Variants in ECE1 observed in about 807,000 individuals in gnomAD.
ECE1 encodes the protein endothelin-converting enzyme 1.
Under a neutral mutation model 98.6 loss-of-function variants are expected in ECE1, and 35 were observed. The observed-to-expected ratio is 0.35, with a 90% confidence interval of 0.27 to 0.47. The LOEUF is 0.47. Ranked by LOEUF, ECE1 falls within the 20% of genes least tolerant of loss-of-function variation. The pLI, the probability that ECE1 is intolerant of heterozygous loss-of-function variation, is 1.00. For missense variants in ECE1, 814 were observed against 1,025.3 expected (o/e 0.79, Z 2.81); for synonymous variants, 394 against 407.1 (o/e 0.97, Z 0.39).
chr1:21,244,844 T>C (rs996785139), intron 10 of ECE1, 145 bp downstream of exon 10: 8 of 766,710 alleles, frequency 1.0e-5, no homozygotes, highest in African/African-American at 5.2e-5. Flanking sequence ...AGGACTCCTC[T>C]TTACCCTTTA....
At chr1:21,312,829 T>TA (rs1039884121) in intron 1 of ECE1, among the ~76,000 whole-genome samples, 3 of 151,938 alleles carry the variant, frequency 2.0e-5, no homozygotes, top group Non-Finnish European at 2.9e-5. Context: ...GGTTTATCAT[T>TA]AAAAAAACAA....
intron 1 of ECE1, chr1:21,299,446 G>C (rs1382564967): frequency 1.3e-5 from 2 of 153,290 alleles, no homozygotes; most frequent in East Asian, 1.9e-4. Context: ...ACAGAGCCAG[G>C]GTTCCCTCTT....
At chr1:21,295,825 C>G (rs751968335) in intron 1 of ECE1, among the ~76,000 whole-genome samples, 1 of 152,220 alleles carries the variant, frequency 6.6e-6, no homozygotes, top group African/African-American at 2.4e-5. Context: ...GCAATTAAGA[C>G]AGACCTGAGC....
intron 1 of ECE1, among the ~76,000 whole-genome samples, chr1:21,324,568 A>AG (rs1280711188): frequency 6.6e-6 from 1 of 152,214 alleles, no homozygotes; most frequent in Non-Finnish European, 1.5e-5. Context: ...GAGGACCAGG[A>AG]GGGGCTCTCC....
chr1:21,228,151 A>C, intron 14 of ECE1, 110 bp from the exon 15 acceptor site: 1 of 754,426 alleles, frequency 1.3e-6, no homozygotes, highest in Non-Finnish European at 2.1e-6. Context: ...AAAAATGCAG[A>C]CTCTCCTTGA....
intron 10 of ECE1, among the ~76,000 whole-genome samples, chr1:21,240,750 C>G (rs1282529527): frequency 6.6e-6 from 1 of 152,166 alleles, no homozygotes; most frequent in Admixed American, 6.6e-5. Context: ...TGTGTCTGGC[C>G]GAGGCCGACC....
Position 21,235,855 on chromosome 1 carries a change from T to A in ECE1, c.1561A>T (p.Asn521Tyr), listed in dbSNP as rs1558374347. The A allele has an allele frequency of 1.9e-6, 3 of 1,614,072 alleles. No individual in the cohort carries two copies. Among genetic ancestry groups the A allele is most frequent in the Non-Finnish European group, 2.5e-6 (3 of 1,180,038 alleles). ...GCAGGGCAGCAGCTACTCACGTCAT[T>A]AAACACTTTGTCCAGCTCCTTGGGA... is the stretch of plus-strand genomic sequence containing the variant. ...MDPKELDKVF[N>Y]DYTAVPDLYF... The change falls in exon 13 of 19, where the codon AAT (asparagine) becomes TAT (tyrosine). Residue 521 changes from asparagine to tyrosine, a missense_variant. Asn to Tyr is a moderately radical substitution (Grantham distance 143). Transcript: ENST00000374893. This position sits in a 1 kb window ranked among gnomAD's most constrained non-coding sequence, Gnocchi z 4.2.
chr1:21,232,852 AT>A (rs2098183535), intron 14 of ECE1, among the ~76,000 whole-genome samples: 1 of 151,794 alleles, frequency 6.6e-6, no homozygotes, highest in Non-Finnish European at 1.5e-5. Flanking sequence ...TAATTTTTGT[AT>A]TTTTAGTAGA....
At chr1:21,248,389 G>T (rs2098207135) in intron 8 of ECE1, among the ~76,000 whole-genome samples, 2 of 152,138 alleles carry the variant, frequency 1.3e-5, no homozygotes, top group Non-Finnish European at 1.5e-5. Flanking sequence ...GGCCAGGCTG[G>T]CCTTGAACTC....
At position 21,290,047 on chromosome 1, in the gene ECE1, G is replaced by T. The variant is rs747021532; in HGVS notation, c.138+23C>A. On this transcript the variant is annotated intron_variant, in intron 2 of 18. Transcript: ENST00000374893. This position sits in a 1 kb window ranked among gnomAD's most constrained non-coding sequence, Gnocchi z 7.3. ...CCCGGGCCCGGGGCGCCTGGACCTCGGGAGGGAGCGGAGGGCGCCTACCTG... is the reference window on the plus strand; with the variant it reads ...CCCGGGCCCGGGGCGCCTGGACCTCTGGAGGGAGCGGAGGGCGCCTACCTG... 1.4e-6 allele frequency: 2 copies of T among 1,388,354 alleles called. No homozygotes were observed. Among genetic ancestry groups the T allele is most frequent in the Non-Finnish European group, 1.9e-6 (2 of 1,055,204 alleles). The allele number at this position is 1,388,354 out of a possible 1,614,324, so 86.0% of individuals were successfully genotyped here. A position where few individuals can be genotyped will look rare whatever the true frequency, so the allele number is the denominator to read the frequency against.
At chr1:21,250,705 C>A (rs1051754507) in intron 8 of ECE1, among the ~76,000 whole-genome samples, 3 of 152,164 alleles carry the variant, frequency 2.0e-5, no homozygotes, top group Admixed American at 2.0e-4. Context: ...TAGCCATAAA[C>A]CCCCGCTTAA....
At chr1:21,221,616 T>G in intron 18 of ECE1, 131 bp downstream of exon 18, 1 of 932,248 alleles carries the variant, frequency 1.1e-6, no homozygotes, top group Non-Finnish European at 1.8e-6. Context: ...ACAGGGCACA[T>G]GTGCTGTGCA....
chr1:21,250,558 C>T (rs1360154718), intron 8 of ECE1, among the ~76,000 whole-genome samples: 2 of 152,138 alleles, frequency 1.3e-5, no homozygotes, highest in Non-Finnish European at 2.9e-5. Flanking sequence ...GGACAAAATG[C>T]AAGACAAAGG....
At chr1:21,242,839 C>T (rs2098198218) in intron 10 of ECE1, among the ~76,000 whole-genome samples, 1 of 152,302 alleles carries the variant, frequency 6.6e-6, no homozygotes, top group East Asian at 1.9e-4. Context: ...TGCAGTGGTG[C>T]AGTCAGTGAT....
chr1:21,249,281 T>C (rs928018980), intron 8 of ECE1, among the ~76,000 whole-genome samples: 2 of 151,048 alleles, frequency 1.3e-5, no homozygotes, highest in African/African-American at 4.9e-5. Flanking sequence ...AGGCAGAGGT[T>C]ACAGTGAGCC....
intron 14 of ECE1, among the ~76,000 whole-genome samples, chr1:21,229,177 A>G (rs903966970): frequency 7.2e-5 from 11 of 151,804 alleles, no homozygotes; most frequent in African/African-American, 2.7e-4. Context: ...CCCTGAATAC[A>G]AGACTTTTTT....
At chr1:21,253,779 AAG>A (rs1297246188) in intron 8 of ECE1, among the ~76,000 whole-genome samples, 1 of 148,890 alleles carries the variant, frequency 6.7e-6, no homozygotes, top group African/African-American at 2.5e-5. Flanking sequence ...AAAAAAAAAA[AAG>A]AACCACAGGC....
At chr1:21,280,530 G>C (rs995760443) in intron 2 of ECE1, among the ~76,000 whole-genome samples, 1 of 152,214 alleles carries the variant, frequency 6.6e-6, no homozygotes, top group Non-Finnish European at 1.5e-5. Flanking sequence ...GCCAGGTTAA[G>C]AGCCTGGACT....
rs190726306 is a variant in ECE1 at position 21,281,184 on chromosome 1, C to T, written c.139-1852G>A. Among the ~76,000 whole-genome samples, 639 of 148,948 alleles carry T rather than the reference C, an allele frequency of 4.3e-3. 6 individuals carry two copies. The highest frequency in any genetic ancestry group is 0.015 in the African/African-American group (578 of 39,100). ...CAGCCTGGGCGACAGAGCAAGACTC[C>T]GTCTCGGAAAACAAAACAAAACAAA... On this transcript the variant is annotated intron_variant, in intron 2 of 18. Transcript: ENST00000374893.
Sources: allele counts gnomAD v4.1 joint callset (sites outside exome capture counted in the v4.1 genomes callset), GRCh38; gene constraint gnomAD v4.1.1; non-coding constraint Gnocchi (gnomAD v3.1); transcripts MANE v1.5; gene names NCBI Gene and HGNC (gene_info 2026-07-23, HGNC 2026-07-21).